Variants in BAZ2B observed in about 807,000 individuals in gnomAD.
BAZ2B encodes bromodomain adjacent to zinc finger domain protein 2B.
BAZ2B carries 91 observed loss-of-function variants against 246.0 expected under a neutral mutation model. That is an observed-to-expected ratio of 0.37 (90% CI 0.31 to 0.44). The LOEUF (loss-of-function observed/expected upper bound fraction) is 0.44. BAZ2B is among the 20% of genes least tolerant of loss of function. The pLI is 1.00. For synonymous variants in BAZ2B, 855 were observed against 860.0 expected (o/e 0.99, Z 0.10); for missense variants, 2,332 against 2,533.7 (o/e 0.92, Z 1.71).
chr2:159,663,795 G>A, the BAZ2B span, among the ~76,000 whole-genome samples: 1 of 150,832 alleles, frequency 6.6e-6, no homozygotes, highest in Non-Finnish European at 1.5e-5. Flanking sequence ...GGGATTACAG[G>A]TGTGAGCCAC....
chr2:159,402,008 G>A (rs962658920), intron 16 of BAZ2B, among the ~76,000 whole-genome samples: 3 of 152,062 alleles, frequency 2.0e-5, no homozygotes, highest in African/African-American at 4.8e-5. Flanking sequence ...AATGTACACT[G>A]ATGTTATTGA....
chr2:159,504,550 A>G (rs1204577247), intron 2 of BAZ2B, among the ~76,000 whole-genome samples: 1 of 152,204 alleles, frequency 6.6e-6, no homozygotes, highest in Non-Finnish European at 1.5e-5. Context: ...ATTTGTGCCA[A>G]TAAACTCTGC....
At chr2:159,386,221 A>G (rs1462718619) in intron 22 of BAZ2B, 132 bp downstream of exon 22, 20 of 1,032,634 alleles carry the variant, frequency 1.9e-5, no homozygotes, top group Admixed American at 3.0e-5. Context: ...ACACAAATCT[A>G]CAGTTAACTT....
intron 1 of BAZ2B, among the ~76,000 whole-genome samples, chr2:159,591,578 T>A (rs1689399089): frequency 6.6e-6 from 1 of 152,202 alleles, no homozygotes; most frequent in Non-Finnish European, 1.5e-5. Context: ...TTGCAGTTCA[T>A]ACAACCTTAA....
At chr2:159,398,484 C>CTAAACA (rs143667409) in intron 18 of BAZ2B, among the ~76,000 whole-genome samples, 27 of 151,878 alleles carry the variant, frequency 1.8e-4, no homozygotes, top group South Asian at 1.0e-3. Context: ...TAGTTTATGC[C>CTAAACA]TAAACATAAA....
At chr2:159,493,230 A>C (rs2080697058) in intron 2 of BAZ2B, among the ~76,000 whole-genome samples, 1 of 152,228 alleles carries the variant, frequency 6.6e-6, no homozygotes, top group South Asian at 2.1e-4. Context: ...GCCATTAACC[A>C]CATGCAGAAA....
At chr2:159,707,790 GCA>G in the BAZ2B span, among the ~76,000 whole-genome samples, 1 of 152,016 alleles carries the variant, frequency 6.6e-6, no homozygotes, top group African/African-American at 2.4e-5. Flanking sequence ...TCACACTATT[GCA>G]CTCCAGCCTG....
chr2:159,625,411 T>G, the BAZ2B span, among the ~76,000 whole-genome samples: 1 of 152,064 alleles, frequency 6.6e-6, no homozygotes, highest in Admixed American at 6.6e-5. Flanking sequence ...GAAAAAATGT[T>G]AAGGGCAGCC....
At chr2:159,681,004 A>G in the BAZ2B span, among the ~76,000 whole-genome samples, 106 of 152,168 alleles carry the variant, frequency 7.0e-4, 1 homozygote, top group Non-Finnish European at 1.3e-3. Context: ...TAACCTCAAA[A>G]TTGCTAGGGA....
intron 36 of BAZ2B, among the ~76,000 whole-genome samples, 182 bp downstream of exon 36, chr2:159,324,629 C>T (rs559836187): frequency 0.014 from 3 of 222 alleles, no homozygotes; most frequent in African/African-American, 0.023. Context: ...ACCAAATACA[C>T]ACACACACAC....
chr2:159,566,755 A>G (rs1682695312), intron 1 of BAZ2B, among the ~76,000 whole-genome samples: 3 of 152,228 alleles, frequency 2.0e-5, no homozygotes. Context: ...TTACTCAAAC[A>G]CACATTTGCA....
chr2:159,689,736 T>A, the BAZ2B span: 4 of 463,640 alleles, frequency 8.6e-6, no homozygotes, highest in African/African-American at 6.3e-5. Flanking sequence ...GACTTTTCTA[T>A]GTCTTTTCCA....
chr2:159,464,162 CTTGA>C lies in BAZ2B; in HGVS notation c.146-10365_146-10362del, dbSNP rs956990951. 26 of 152,248 alleles carry C rather than the reference CTTGA, an allele frequency of 1.7e-4. 1 individual carries two copies. Among genetic ancestry groups the C allele is most frequent in the African/African-American group, 6.0e-4 (25 of 41,546 alleles). The allele number at this position is 152,248 out of a possible 1,614,324, so 9.4% of individuals were successfully genotyped here. On this transcript the variant is annotated intron_variant, in intron 3 of 36. Coordinates refer to ENST00000392783, the MANE Select transcript of BAZ2B (RefSeq NM_013450.4). Reference sequence around the variant, plus strand: ...CAACTTTCCAAACTAAGAAATTAACCTTGATTAACTAATTAAAATAAAGAATTTA... The same window carrying C: ...CAACTTTCCAAACTAAGAAATTAACCTTAACTAATTAAAATAAAGAATTTA...
At chr2:159,600,430 G>GT (rs772405227) in intron 1 of BAZ2B, among the ~76,000 whole-genome samples, 2 of 151,628 alleles carry the variant, frequency 1.3e-5, no homozygotes, top group Non-Finnish European at 2.9e-5. Flanking sequence ...TATTCCCACT[G>GT]TTAAAAAAAA....
At chr2:159,564,278 G>C (rs1269688466) in intron 1 of BAZ2B, among the ~76,000 whole-genome samples, 3 of 152,166 alleles carry the variant, frequency 2.0e-5, no homozygotes, top group Non-Finnish European at 2.9e-5. Context: ...GAGTAAGATA[G>C]GGGGTAGGAG....
At chr2:159,441,305 G>A (rs1054384074) in intron 6 of BAZ2B, among the ~76,000 whole-genome samples, 3 of 152,156 alleles carry the variant, frequency 2.0e-5, no homozygotes, top group Non-Finnish European at 4.4e-5. Context: ...ATACTCCCCA[G>A]GAACAGTCAT....
At chr2:159,364,593 C>G (rs1038353971) in intron 27 of BAZ2B, among the ~76,000 whole-genome samples, 2 of 152,182 alleles carry the variant, frequency 1.3e-5, no homozygotes, top group Non-Finnish European at 2.9e-5. Flanking sequence ...TGGTCTTGAA[C>G]TCCTGGGCTC....
intron 2 of BAZ2B, among the ~76,000 whole-genome samples, chr2:159,496,522 T>C (rs2081167679): frequency 7.1e-6 from 1 of 140,722 alleles, no homozygotes; most frequent in Non-Finnish European, 1.5e-5. Context: ...CGGTGGCTCA[T>C]GCCTTAATCC....
At chr2:159,566,973 G>C (rs547034822) in intron 1 of BAZ2B, among the ~76,000 whole-genome samples, 3 of 152,160 alleles carry the variant, frequency 2.0e-5, no homozygotes, top group Non-Finnish European at 4.4e-5. Context: ...GCCGGGCGTG[G>C]TGGCTCACAC....
Sources: allele counts gnomAD v4.1 joint callset (sites outside exome capture counted in the v4.1 genomes callset), GRCh38; gene constraint gnomAD v4.1.1; transcripts MANE v1.5; gene names NCBI Gene and HGNC (gene_info 2026-07-23, HGNC 2026-07-21).